Variants in FER1L6 observed in about 807,000 individuals in gnomAD.
The protein encoded by FER1L6 is fer-1-like protein 6.
Under a neutral mutation model 219.2 loss-of-function variants are expected in FER1L6, and 177 were observed. That is an observed-to-expected ratio of 0.81 (90% CI 0.71 to 0.91). The LOEUF is 0.91. Ranked by LOEUF, FER1L6 falls within the 40% of genes least tolerant of loss-of-function variation. FER1L6 has a pLI of 0.00. For missense variants in FER1L6, 2,153 were observed against 2,259.9 expected, an observed-to-expected ratio of 0.95 and a Z score of 0.96; for synonymous variants, 768 against 824.3, an observed-to-expected ratio of 0.93 and a Z score of 1.17.
chr8:124,068,089 A>C (rs1356162526), intron 28 of FER1L6, among the ~76,000 whole-genome samples: 2 of 152,200 alleles, frequency 1.3e-5, no homozygotes, highest in African/African-American at 4.8e-5. Flanking sequence ...GTAGAATAAA[A>C]ATAGAAGCAA....
intron 12 of FER1L6, among the ~76,000 whole-genome samples, chr8:123,990,391 T>G (rs1273819675): frequency 1.3e-5 from 2 of 152,212 alleles, no homozygotes; most frequent in Admixed American, 1.3e-4. Flanking sequence ...ACATCTATTG[T>G]TTTTTGACTT....
intron 1 of FER1L6, among the ~76,000 whole-genome samples, chr8:123,946,798 A>C (rs1814512029): frequency 6.6e-6 from 1 of 152,016 alleles, no homozygotes; most frequent in Non-Finnish European, 1.5e-5. Context: ...AACAACTGAA[A>C]CTTTTCCAAC....
chr8:123,897,379 AC>A (rs141772202), intron 1 of FER1L6, among the ~76,000 whole-genome samples: 4,148 of 152,270 alleles, frequency 0.027, 190 homozygotes, highest in African/African-American at 0.094. Flanking sequence ...GAGTCTGTTT[AC>A]ACAGTGAGAC....
chr8:123,898,664 TATATACGTATATATATAC>T (rs1812790938), intron 1 of FER1L6, among the ~76,000 whole-genome samples: 2 of 139,142 alleles, frequency 1.4e-5, no homozygotes, highest in African/African-American at 6.1e-5. Context: ...TATATGTATA[TATATACGTATATATATAC>T]ATATATGTAC....
rs368573446 is a variant in FER1L6 at position 124,017,609 on chromosome 8, T to C, written c.1923-19T>C. On this transcript the variant is annotated intron_variant, in intron 15 of 40. Coordinates refer to ENST00000522917, the MANE Select transcript of FER1L6 (RefSeq NM_001039112.2). ...ATTTTCACTAAGTAGGTTTCAAAATTGTTATTCTTTTCTTATAGTGCCTTT... is the reference window on the plus strand; with the variant it reads ...ATTTTCACTAAGTAGGTTTCAAAATCGTTATTCTTTTCTTATAGTGCCTTT... 2.7e-5 allele frequency: 42 copies of C among 1,583,246 alleles called. No homozygotes were observed. The highest frequency in any genetic ancestry group is 3.3e-5 in the Non-Finnish European group (38 of 1,154,884).
intron 1 of FER1L6, among the ~76,000 whole-genome samples, chr8:123,872,083 G>A (rs887680443): frequency 3.3e-5 from 5 of 152,110 alleles, no homozygotes; most frequent in Non-Finnish European, 5.9e-5. Context: ...AGGGGGAGCA[G>A]GTGTCTCACA....
chr8:124,096,495 C>T (rs990360617), intron 35 of FER1L6, among the ~76,000 whole-genome samples: 4 of 152,176 alleles, frequency 2.6e-5, no homozygotes, highest in African/African-American at 4.8e-5. Flanking sequence ...CCTTTCTTGC[C>T]TAAGCTGACA....
At chr8:123,963,198 C>T in intron 2 of FER1L6, 80 bp from the exon 3 acceptor site, 12 of 1,574,766 alleles carry the variant, frequency 7.6e-6, no homozygotes, top group South Asian at 1.2e-5. Context: ...GTGCCTGCCA[C>T]AGGGCTGGCA....
At chr8:123,998,355 T>A (rs1817234294) in intron 12 of FER1L6, among the ~76,000 whole-genome samples, 1 of 125,278 alleles carries the variant, frequency 8.0e-6, no homozygotes. Context: ...TCTCTTAGTT[T>A]CCCTCAAAAA....
intron 39 of FER1L6, among the ~76,000 whole-genome samples, chr8:124,104,140 T>TGA (rs530131367): frequency 4.6e-5 from 7 of 152,206 alleles, no homozygotes; most frequent in African/African-American, 1.7e-4. Context: ...TTGTATTTTC[T>TGA]GAGAGTTTGT....
At chr8:123,907,372 A>ACCAC (rs1244902354) in intron 1 of FER1L6, among the ~76,000 whole-genome samples, 1 of 152,078 alleles carries the variant, frequency 6.6e-6, no homozygotes, top group Non-Finnish European at 1.5e-5. Context: ...TGCTGCTATC[A>ACCAC]CCACCCTCCA....
chr8:123,975,371 C>T (rs1213625032), intron 8 of FER1L6, 65 bp downstream of exon 8: 9 of 1,434,282 alleles, frequency 6.3e-6, no homozygotes, highest in Non-Finnish European at 8.5e-6. Context: ...TCTTTCCCCT[C>T]CCTCACCACT....
intron 1 of FER1L6, among the ~76,000 whole-genome samples, chr8:123,872,209 T>C (rs774626552): frequency 2.6e-5 from 4 of 152,082 alleles, no homozygotes; most frequent in Non-Finnish European, 5.9e-5. Context: ...TCGTGAGAGA[T>C]CCGCCCCATA....
chr8:123,880,137 G>A (rs992194215), intron 1 of FER1L6, among the ~76,000 whole-genome samples: 5 of 151,922 alleles, frequency 3.3e-5, no homozygotes, highest in Admixed American at 6.6e-5. Context: ...GAAATTCCTC[G>A]TCGGCATCCC....
In FER1L6 at chr8:124,118,944, A is replaced by G. The variant is rs761436751; in HGVS notation, c.5390A>G (p.Asn1797Ser). Residue 1797 changes from asparagine (N) to serine (S), a missense_variant and splice_region_variant, in exon 40 of 41, where the codon AAC becomes AGC. Asn to Ser is a conservative substitution (Grantham distance 46, BLOSUM62 1). Transcript: ENST00000522917. ...GAGCCAGAGCCCCTGGCCAAGCCCA[A>G]GTGAGTGGAGTTGCTAGTGGGAACA... ...RKEPEPLAKP[N>S]RPDTSFSWFM... 8.1e-6 allele frequency: 13 copies of G among 1,610,758 alleles called. No homozygotes were observed. The highest frequency in any genetic ancestry group is 4.5e-5 in the East Asian group (2 of 44,868).
chr8:123,872,214 C>A (rs1816935979), intron 1 of FER1L6, among the ~76,000 whole-genome samples: 1 of 152,158 alleles, frequency 6.6e-6, no homozygotes, highest in African/African-American at 2.4e-5. Context: ...AGAGATCCGC[C>A]CCATAATCCA....
intron 1 of FER1L6, among the ~76,000 whole-genome samples, chr8:123,857,279 G>A (rs760073018): frequency 2.6e-5 from 4 of 152,328 alleles, no homozygotes; most frequent in Non-Finnish European, 5.9e-5. Flanking sequence ...GGAGGCCAAG[G>A]CAGGAGGATC....
chr8:123,885,406 G>A (rs1057385412), intron 1 of FER1L6, among the ~76,000 whole-genome samples: 7 of 152,122 alleles, frequency 4.6e-5, no homozygotes, highest in African/African-American at 1.7e-4. Flanking sequence ...GTGAGCTGTT[G>A]CTTCAGAAAT....
intron 22 of FER1L6, among the ~76,000 whole-genome samples, chr8:124,053,991 C>A (rs1232002630): frequency 3.3e-5 from 5 of 152,212 alleles, no homozygotes; most frequent in African/African-American, 1.2e-4. Context: ...CCGTTGTTCT[C>A]CCAGACACTC....
Sources: allele counts gnomAD v4.1 joint callset (sites outside exome capture counted in the v4.1 genomes callset), GRCh38; gene constraint gnomAD v4.1.1; transcripts MANE v1.5; gene names NCBI Gene and HGNC (gene_info 2026-07-23, HGNC 2026-07-21).